FMN2: variants seen among roughly 807,000 people sequenced by gnomAD.
FMN2 encodes formin-2.
A neutral mutation model predicts 142.3 loss-of-function variants in FMN2; 51 were observed. That is an observed-to-expected ratio of 0.36 (90% confidence interval 0.29 to 0.45). The LOEUF (loss-of-function observed/expected upper bound fraction) is 0.45. Ranked by LOEUF, FMN2 falls within the 20% of genes least tolerant of loss-of-function variation. The pLI is 1.00. For synonymous variants in FMN2, 882 were observed against 869.8 expected (o/e 1.01, Z -0.25); for missense variants, 1,936 against 2,122.8 (o/e 0.91, Z 1.73).
rs71646891 is a variant in FMN2 at position 240,207,821 on chromosome 1, T to G, written c.3009T>G (p.Leu1003=). ...PGAGIPPPPP[L]PGAGIPPPPP... ...CGGGCATACCCCCTCCGCCCCCACT[T>G]CCCGGAGCGGGCATACCCCCTCCTC... The change falls in exon 5 of 18, where the codon CTT becomes CTG. Residue 1003 remains leucine (L), a synonymous_variant. Coordinates refer to ENST00000319653, the MANE Select transcript of FMN2 (RefSeq NM_020066.5). The G allele has an allele frequency of 4.6e-6, 1 of 219,310 alleles. No individual in the cohort carries two copies. Among genetic ancestry groups the G allele is most frequent in the South Asian group, 4.4e-5 (1 of 22,748 alleles). 13.6% of individuals were successfully genotyped at this position (219,310 alleles called of 1,614,324 possible).
intron 14 of FMN2, among the ~76,000 whole-genome samples, chr1:240,365,811 C>A (rs1672649433): frequency 6.6e-6 from 1 of 152,176 alleles, no homozygotes; most frequent in African/African-American, 2.4e-5. Flanking sequence ...GAACTCATGG[C>A]TGGCAACACT....
At chr1:240,405,757 T>C (rs1473993271) in intron 15 of FMN2, among the ~76,000 whole-genome samples, 2 of 152,168 alleles carry the variant, frequency 1.3e-5, no homozygotes, top group African/African-American at 4.8e-5. Flanking sequence ...CTACAATCAT[T>C]GTTCAGAGGA....
At chr1:240,212,193 A>G (rs1666715781) in intron 6 of FMN2, among the ~76,000 whole-genome samples, 1 of 152,154 alleles carries the variant, frequency 6.6e-6, no homozygotes. Flanking sequence ...TGGAAGTAAT[A>G]GCTAGGCACA....
intron 1 of FMN2, among the ~76,000 whole-genome samples, chr1:240,119,385 A>C (rs1324242577): frequency 6.6e-6 from 1 of 151,678 alleles, no homozygotes; most frequent in Non-Finnish European, 1.5e-5. Context: ...GGATATCCTC[A>C]AGGGAAAGCC....
intron 2 of FMN2, among the ~76,000 whole-genome samples, chr1:240,139,703 G>A (rs1210488950): frequency 1.3e-5 from 2 of 152,330 alleles, no homozygotes; most frequent in East Asian, 3.9e-4. Flanking sequence ...CGCTGAGAGC[G>A]CTGCCCAGAT....
chr1:240,092,834 A>T lies in FMN2; in HGVS notation c.725A>T (p.Gln242Leu), dbSNP rs534629981. 1.3e-6 allele frequency: 2 copies of T among 1,562,044 alleles called. No homozygotes were observed. The highest frequency in any genetic ancestry group is 2.7e-5 in the African/African-American group (2 of 73,848). ...PAAPPTAVSP[Q>L]PGAFLGLDRF... Reference sequence around the variant, plus strand: ...GCGCCCCCCACTGCCGTCTCCCCTCAGCCCGGGGCCTTCCTGGGCCTGGAC... The same window carrying T: ...GCGCCCCCCACTGCCGTCTCCCCTCTGCCCGGGGCCTTCCTGGGCCTGGAC... The change falls in exon 1 of 18, where the codon CAG (glutamine) becomes CTG (leucine). Residue 242 changes from glutamine to leucine, a missense_variant. Transcript: ENST00000319653.
At position 240,201,146 on chromosome 1, in the gene FMN2, CAG is replaced by C. The variant is rs148984181; in HGVS notation, c.1987-5651_1987-5650del. Among the ~76,000 whole-genome samples, 989 of 152,232 alleles carry C rather than the reference CAG, an allele frequency of 6.5e-3. 7 individuals are homozygous for C. The highest frequency in any genetic ancestry group is 0.023 in the African/African-American group (935 of 41,542). On this transcript the variant is annotated intron_variant, in intron 4 of 17. Coordinates refer to ENST00000319653, the MANE Select transcript of FMN2 (RefSeq NM_020066.5). ...TTTAAAAAATAAATAAAATACATAA[CAG>C]AAATTGTTCTGTTACGCACTAATAA...
intron 7 of FMN2, among the ~76,000 whole-genome samples, chr1:240,274,220 C>T (rs542155362): frequency 6.0e-5 from 6 of 99,252 alleles, no homozygotes; most frequent in Middle Eastern, 5.4e-3. Flanking sequence ...ATGGGGGAAA[C>T]GAAAAAAAAA....
intron 1 of FMN2, among the ~76,000 whole-genome samples, chr1:240,094,244 T>C (rs1285603245): frequency 6.6e-6 from 1 of 152,230 alleles, no homozygotes; most frequent in Non-Finnish European, 1.5e-5. Flanking sequence ...ATGTGATATG[T>C]AGTTTCTATC....
intron 1 of FMN2, among the ~76,000 whole-genome samples, chr1:240,098,217 T>A (rs1292385704): frequency 1.3e-5 from 2 of 150,644 alleles, no homozygotes; most frequent in African/African-American, 4.9e-5. Context: ...TTCTCCTGCC[T>A]CAGCTTCCAG....
At chr1:240,470,256 A>ACTTAAAT (rs1676766710) in intron 16 of FMN2, among the ~76,000 whole-genome samples, 1 of 151,968 alleles carries the variant, frequency 6.6e-6, no homozygotes. Flanking sequence ...AAATACTTCA[A>ACTTAAAT]CTTAAATTTA....
At chr1:240,259,675 A>G (rs1668565479) in intron 7 of FMN2, among the ~76,000 whole-genome samples, 2 of 152,274 alleles carry the variant, frequency 1.3e-5, no homozygotes, top group East Asian at 3.9e-4. Flanking sequence ...TGAGAAGTCC[A>G]CAGAAGCATA....
intron 2 of FMN2, among the ~76,000 whole-genome samples, chr1:240,149,544 G>A (rs547181096): frequency 1.3e-5 from 2 of 152,158 alleles, no homozygotes; most frequent in East Asian, 3.9e-4. Flanking sequence ...ATTTCTTTTT[G>A]GCATGTTTCT....
chr1:240,328,168 A>AAAAAAAAAAAAAAAAAAAG (rs1553363688), intron 8 of FMN2, among the ~76,000 whole-genome samples: 1 of 135,808 alleles, frequency 7.4e-6, no homozygotes, highest in Admixed American at 8.5e-5. Context: ...AAAAAAAAAA[A>AAAAAAAAAAAAAAAAAAAG]AAAAGAAAAA....
intron 14 of FMN2, among the ~76,000 whole-genome samples, chr1:240,375,737 C>T (rs938027459): frequency 2.6e-5 from 4 of 152,168 alleles, no homozygotes; most frequent in Non-Finnish European, 5.9e-5. Context: ...CCATTCCCTG[C>T]AGTTCATTCC....
intron 15 of FMN2, among the ~76,000 whole-genome samples, chr1:240,393,730 T>C (rs2103099865): frequency 6.6e-6 from 1 of 152,220 alleles, no homozygotes; most frequent in African/African-American, 2.4e-5. Flanking sequence ...TGAAGGAAAT[T>C]AAAAGTCTAT....
At chr1:240,216,819 G>T (rs985278948) in intron 6 of FMN2, among the ~76,000 whole-genome samples, 7 of 151,942 alleles carry the variant, frequency 4.6e-5, no homozygotes, top group African/African-American at 1.7e-4. Context: ...AGTAGTGGTG[G>T]ATGCCTGTAA....
At chr1:240,174,013 C>T (rs1289179353) in intron 2 of FMN2, among the ~76,000 whole-genome samples, 1 of 152,268 alleles carries the variant, frequency 6.6e-6, no homozygotes, top group African/African-American at 2.4e-5. Flanking sequence ...TGTGGTTGAT[C>T]ATGATGCCAG....
intron 6 of FMN2, among the ~76,000 whole-genome samples, chr1:240,226,809 G>GAC (rs35315482): frequency 0.056 from 8,307 of 149,570 alleles, 258 homozygotes; most frequent in African/African-American, 0.087. Flanking sequence ...ACACTTTAGT[G>GAC]ACACACACAC....
Sources: gnomAD v4.1 joint callset for allele counts (sites outside exome capture counted in the v4.1 genomes callset) on GRCh38, gnomAD v4.1.1 for gene constraint, MANE v1.5 for transcripts, NCBI Gene and HGNC (gene_info 2026-07-23, HGNC 2026-07-21) for gene names.